The following PPTC7 variants were observed in gnomAD, a reference collection of about 807,000 sequenced individuals.
The protein encoded by PPTC7 is protein phosphatase targeting COQ7.
In PPTC7, 6 loss-of-function variants were observed where a neutral mutation model predicts 30.8. The observed-to-expected ratio is 0.19, with a 90% CI of 0.11 to 0.38. The LOEUF (loss-of-function observed/expected upper bound fraction) is 0.38, where lower values mean the gene tolerates loss of function less well. PPTC7 is among the 10% of genes least tolerant of loss of function. PPTC7 has a pLI of 1.00. For synonymous variants in PPTC7, 163 were observed against 168.1 expected (o/e 0.97, Z 0.23); for missense variants, 218 against 404.8 (o/e 0.54, Z 3.96).
intron 1 of PPTC7, among the ~76,000 whole-genome samples, chr12:110,560,009 TG>T (rs1176116076): frequency 1.3e-5 from 2 of 152,182 alleles, no homozygotes; most frequent in Non-Finnish European, 2.9e-5. Flanking sequence ...ATTACAGGAA[TG>T]GGCCACTGAG....
Position 110,536,867 on chromosome 12 carries a change from G to A in PPTC7, c.*170C>T, listed in dbSNP as rs2064222341. On this transcript the variant is annotated 3_prime_UTR_variant, in exon 6 of 6. Transcript: ENST00000354300. ...GGCAGATATGAGCTAGTGAATGATA[G>A]TAGTGGTTCTCAACAAAGATCTCAA... 1.6e-6 allele frequency: 1 copy of A among 611,024 alleles called. No homozygotes were observed. Among genetic ancestry groups the A allele is most frequent in the South Asian group, 2.4e-5 (1 of 41,916 alleles). The allele number at this position is 611,024 out of a possible 1,614,324, so 37.9% of individuals were successfully genotyped here. A position where few individuals can be genotyped will look rare whatever the true frequency, so the allele number is the denominator to read the frequency against.
intron 2 of PPTC7, among the ~76,000 whole-genome samples, chr12:110,549,859 T>C (rs1439240675): frequency 1.3e-5 from 2 of 152,154 alleles, no homozygotes; most frequent in Admixed American, 6.5e-5. Context: ...GGCAGTCCCC[T>C]GGAATCTGTG....
At chr12:110,539,676 T>G (rs772153518) in intron 4 of PPTC7, 146 bp downstream of exon 4, 2 of 710,670 alleles carry the variant, frequency 2.8e-6, no homozygotes, top group Non-Finnish European at 2.1e-6. Flanking sequence ...CTCTAATTAT[T>G]TGAAAGACCA....
intron 1 of PPTC7, among the ~76,000 whole-genome samples, chr12:110,557,657 T>C (rs2064401452): frequency 6.6e-6 from 1 of 152,202 alleles, no homozygotes; most frequent in Non-Finnish European, 1.5e-5. Context: ...TATACTATAA[T>C]AAATGTTGTG....
intron 1 of PPTC7, among the ~76,000 whole-genome samples, chr12:110,575,585 C>T (rs997214144): frequency 1.4e-5 from 2 of 142,460 alleles, no homozygotes; most frequent in Admixed American, 7.3e-5. Flanking sequence ...GTACAGCCTC[C>T]TCCCATGCAG....
intron 3 of PPTC7, among the ~76,000 whole-genome samples, 167 bp from the exon 4 acceptor site, chr12:110,540,112 G>T (rs2064246408): frequency 6.6e-6 from 1 of 152,082 alleles, no homozygotes; most frequent in Admixed American, 6.6e-5. Context: ...TCCCAACTCT[G>T]AAAAAAGTTA....
intron 1 of PPTC7, among the ~76,000 whole-genome samples, chr12:110,564,376 T>C (rs560765691): frequency 1.6e-4 from 24 of 152,320 alleles, no homozygotes; most frequent in Admixed American, 1.4e-3. Flanking sequence ...AAAAATTAAG[T>C]AAGGAAGTAA....
intron 1 of PPTC7, among the ~76,000 whole-genome samples, chr12:110,579,873 CG>C (rs2064622280): frequency 6.6e-6 from 1 of 151,896 alleles, no homozygotes; most frequent in African/African-American, 2.4e-5. Context: ...ATTAGCCGGG[CG>C]TGATGGCGCG....
At chr12:110,539,772 C>CG (rs1488354808) in intron 4 of PPTC7, 50 bp downstream of exon 4, 1 of 1,575,244 alleles carries the variant, frequency 6.3e-7, no homozygotes, top group South Asian at 1.2e-5. Context: ...TAAAACTCAG[C>CG]TATCCAGAGA....
At chr12:110,567,572 A>G (rs983757344) in intron 1 of PPTC7, among the ~76,000 whole-genome samples, 2 of 152,078 alleles carry the variant, frequency 1.3e-5, no homozygotes, top group African/African-American at 4.8e-5. Context: ...CCTCTGACCA[A>G]TTATCACCAA....
rs918826956 is a variant in PPTC7, at chr12:110,535,368, T to C, written c.*1669A>G. ...CTTACAAATGAATAACTCATTCTTA[T>C]TATAAATGAAATGCCTGTTACAAGC... is the stretch of plus-strand genomic sequence containing the variant. On this transcript the variant is annotated 3_prime_UTR_variant, in exon 6 of 6. Coordinates refer to ENST00000354300, the MANE Select transcript of PPTC7 (RefSeq NM_139283.2). 1 of 152,656 alleles carries C rather than the reference T, an allele frequency of 6.6e-6. No homozygotes were observed. The highest frequency in any genetic ancestry group is 2.1e-4 in the South Asian group (1 of 4,834). The allele number at this position is 152,656 out of a possible 1,614,324, so 9.5% of individuals were successfully genotyped here. A position where few individuals can be genotyped will look rare whatever the true frequency, so the allele number is the denominator to read the frequency against.
intron 2 of PPTC7, among the ~76,000 whole-genome samples, chr12:110,551,129 C>A (rs2064347076): frequency 6.6e-6 from 1 of 152,162 alleles, no homozygotes; most frequent in Non-Finnish European, 1.5e-5. Flanking sequence ...AGGTTGTCCC[C>A]AGTTCTCTGC....
intron 1 of PPTC7, among the ~76,000 whole-genome samples, chr12:110,580,754 A>G (rs2064630010): frequency 6.7e-6 from 1 of 149,628 alleles, no homozygotes; most frequent in Non-Finnish European, 1.5e-5. Context: ...CAGATTTTTT[A>G]TTTTATTTTT....
intron 1 of PPTC7, among the ~76,000 whole-genome samples, chr12:110,580,841 T>G (rs547471116): frequency 6.6e-6 from 1 of 152,184 alleles, no homozygotes; most frequent in East Asian, 1.9e-4. Flanking sequence ...AGCCTCCACC[T>G]CCCTGGTTCA....
At chr12:110,567,920 A>G (rs1296790373) in intron 1 of PPTC7, among the ~76,000 whole-genome samples, 1 of 152,106 alleles carries the variant, frequency 6.6e-6, no homozygotes, top group Non-Finnish European at 1.5e-5. Flanking sequence ...CACCTTTTAA[A>G]TTCTGTACCA....
intron 1 of PPTC7, among the ~76,000 whole-genome samples, chr12:110,577,715 A>G (rs1373639581): frequency 2.0e-5 from 1 of 49,664 alleles, no homozygotes; most frequent in Non-Finnish European, 4.0e-5. Flanking sequence ...TTAGGTTTCA[A>G]GTTTAAGCTT....
chr12:110,574,630 G>T (rs1207959402), intron 1 of PPTC7, among the ~76,000 whole-genome samples: 1 of 152,162 alleles, frequency 6.6e-6, no homozygotes. Flanking sequence ...AACTCAAGTT[G>T]AAATGAATAA....
chr12:110,539,182 C>T (rs1477650368), intron 4 of PPTC7, among the ~76,000 whole-genome samples: 1 of 151,964 alleles, frequency 6.6e-6, no homozygotes, highest in Non-Finnish European at 1.5e-5. Flanking sequence ...TTAGGATGCC[C>T]CATTTTATAT....
At chr12:110,550,223 A>ATTTTTTTT (rs796973487) in intron 2 of PPTC7, among the ~76,000 whole-genome samples, 2 of 103,028 alleles carry the variant, frequency 1.9e-5, no homozygotes, top group Non-Finnish European at 2.0e-5. Context: ...ACAGGGGCTG[A>ATTTTTTTT]TTTTTTTTTT....
Sources: gnomAD v4.1 joint callset for allele counts (sites outside exome capture counted in the v4.1 genomes callset) on GRCh38, gnomAD v4.1.1 for gene constraint, MANE v1.5 for transcripts, NCBI Gene and HGNC (gene_info 2026-07-23, HGNC 2026-07-21) for gene names.